Variants in EMC7 observed in about 807,000 individuals in gnomAD.
EMC7 encodes ER membrane protein complex subunit 7, also known as endoplasmic reticulum membrane protein complex subunit 7.
In EMC7, 4 loss-of-function variants were observed where a neutral mutation model predicts 24.4. That is an observed-to-expected ratio of 0.16 (90% CI 0.08 to 0.38). The LOEUF is 0.38. Among genes scored for constraint, EMC7 ranks in the 10% least tolerant of loss-of-function variants. The pLI is 1.00. For missense variants in EMC7, 221 were observed against 300.6 expected, an observed-to-expected ratio of 0.74 and a Z score of 1.96; for synonymous variants, 106 against 112.0, an observed-to-expected ratio of 0.95 and a Z score of 0.34.
At chr15:34,100,121 A>C (rs1431979792) in intron 1 of EMC7, among the ~76,000 whole-genome samples, 1 of 152,222 alleles carries the variant, frequency 6.6e-6, no homozygotes, top group South Asian at 2.1e-4. Context: ...CAGAAATATC[A>C]CTTGAGGCCA....
At chr15:34,096,515 A>G (rs1357090679) in intron 1 of EMC7, among the ~76,000 whole-genome samples, 1 of 152,132 alleles carries the variant, frequency 6.6e-6, no homozygotes, top group Non-Finnish European at 1.5e-5. Flanking sequence ...AATACCCAAG[A>G]CCACTCCAGG....
In EMC7 at chr15:34,084,320, T is replaced by G. The variant is rs1224522380; in HGVS notation, c.*14A>C. 1 of 1,609,930 alleles carries G rather than the reference T, an allele frequency of 6.2e-7. No individual in the cohort carries two copies. Among genetic ancestry groups the G allele is most frequent in the Non-Finnish European group, 8.5e-7 (1 of 1,176,914 alleles). ...TTGCCGTGTTTGTGCAAATGCCAGC[T>G]CTGGACGGCCTGACTACCTCCTTTT... On this transcript the variant is annotated 3_prime_UTR_variant, in exon 5 of 5. Coordinates refer to ENST00000256545, the MANE Select transcript of EMC7 (RefSeq NM_020154.3).
chr15:34,097,841 C>T (rs1236911899), intron 1 of EMC7, among the ~76,000 whole-genome samples: 1 of 151,740 alleles, frequency 6.6e-6, no homozygotes, highest in East Asian at 1.9e-4. Context: ...TGGTGGCATG[C>T]GCGTGTAGTC....
At chr15:34,097,908 G>A (rs1057155922) in intron 1 of EMC7, among the ~76,000 whole-genome samples, 1 of 150,054 alleles carries the variant, frequency 6.7e-6, no homozygotes, top group Non-Finnish European at 1.5e-5. Context: ...GGCGGAAGTT[G>A]CAATGAGCCG....
intron 2 of EMC7, among the ~76,000 whole-genome samples, chr15:34,092,261 T>TCACACATACACACACACA (rs1900985075): frequency 7.1e-6 from 1 of 141,564 alleles, no homozygotes; most frequent in Non-Finnish European, 1.5e-5. Context: ...TGAGACTCCG[T>TCACACATACACACACACA]CACACACACA....
intron 3 of EMC7, 32 bp downstream of exon 3, chr15:34,090,285 A>T: frequency 6.3e-7 from 1 of 1,589,160 alleles, no homozygotes; most frequent in Middle Eastern, 1.7e-4. Flanking sequence ...ATTAGGTATT[A>T]GTAAAGTGCT....
At chr15:34,098,417 A>G (rs1190096558) in intron 1 of EMC7, among the ~76,000 whole-genome samples, 3 of 150,598 alleles carry the variant, frequency 2.0e-5, no homozygotes, top group Non-Finnish European at 4.4e-5. Context: ...TGCATCTTCT[A>G]CTTCTTAATG....
intron 3 of EMC7, among the ~76,000 whole-genome samples, chr15:34,088,881 G>A (rs539189785): frequency 1.3e-5 from 2 of 151,840 alleles, no homozygotes; most frequent in African/African-American, 2.4e-5. Context: ...TTTGAGACAC[G>A]GTCTCGCTCT....
intron 1 of EMC7, among the ~76,000 whole-genome samples, chr15:34,098,432 C>T (rs1299939230): frequency 6.6e-6 from 1 of 150,754 alleles, no homozygotes; most frequent in Non-Finnish European, 1.5e-5. Context: ...TTAATGGGAC[C>T]CTGACTGAAC....
intron 2 of EMC7, among the ~76,000 whole-genome samples, chr15:34,093,118 G>A (rs770741961): frequency 3.3e-5 from 5 of 152,102 alleles, no homozygotes; most frequent in Admixed American, 6.6e-5. Context: ...ACTGTGTATC[G>A]CTTTCGCACC....
At chr15:34,093,232 G>T (rs2140869860) in intron 2 of EMC7, among the ~76,000 whole-genome samples, 1 of 152,256 alleles carries the variant, frequency 6.6e-6, no homozygotes, top group East Asian at 1.9e-4. Flanking sequence ...GATGTCAAGA[G>T]ATCGAAACCA....
Position 34,095,944 on chromosome 15 carries a change from A to G in EMC7, c.307T>C (p.Tyr103His). Reference protein sequence around the residue: ...SYVVEVVSPAYRFDPVRVDIT... With the variant: ...SYVVEVVSPAHRFDPVRVDIT... ...TCCACTCGAACGGGATCAAATCTGTAAGCTGGAGATACAACTTCCACTACA... is the reference window on the plus strand; with the variant it reads ...TCCACTCGAACGGGATCAAATCTGTGAGCTGGAGATACAACTTCCACTACA... The change falls in exon 2 of 5, where the codon TAC (tyrosine) becomes CAC (histidine). Residue 103 changes from tyrosine to histidine, a missense_variant. Around this residue, in one of 2 missense-constraint regions of EMC7, gnomAD observed 156 missense variants for 177.1 expected, o/e 0.88. Transcript: ENST00000256545. 6.2e-7 allele frequency: 1 copy of G among 1,610,902 alleles called. No homozygotes were observed. Among genetic ancestry groups the G allele is most frequent in the Non-Finnish European group, 8.5e-7 (1 of 1,177,580 alleles).
chr15:34,095,956 C>A lies in EMC7; in HGVS notation c.295G>T (p.Val99Leu), dbSNP rs1901058787. ...GGATCAAATCTGTAAGCTGGAGATA[C>A]AACTTCCACTACATAAGATCCAGAA... ...IPSGSYVVEVVSPAYRFDPVR... is the reference protein window; with the variant it reads ...IPSGSYVVEVLSPAYRFDPVR... Residue 99 changes from valine to leucine, a missense_variant, in exon 2 of 5, where the codon GTA (valine) becomes TTA (leucine). By Grantham distance (32) the Val-to-Leu change is conservative (BLOSUM62 1). This residue lies in a region of EMC7 where 156 missense variants were observed against 177.1 expected (regional missense o/e 0.88). Transcript: ENST00000256545. 2 of 1,610,590 alleles carry A rather than the reference C, an allele frequency of 1.2e-6. No individual in the cohort carries two copies. The highest frequency in any genetic ancestry group is 1.7e-6 in the Non-Finnish European group (2 of 1,177,488).
intron 2 of EMC7, 55 bp downstream of exon 2, chr15:34,095,840 T>C (rs1356434566): frequency 6.5e-6 from 10 of 1,528,184 alleles, no homozygotes; most frequent in Non-Finnish European, 8.9e-6. Flanking sequence ...AAGGAATATA[T>C]ACTAAGGTAT....
intron 2 of EMC7, among the ~76,000 whole-genome samples, chr15:34,093,208 G>A (rs1901006078): frequency 6.6e-6 from 1 of 152,100 alleles, no homozygotes; most frequent in South Asian, 2.1e-4. Context: ...GGGAGGCCGA[G>A]GCAGGAGGAT....
chr15:34,084,186 CAT>C lies in EMC7; in HGVS notation c.*146_*147del, dbSNP rs757144639. The C allele has an allele frequency of 1.3e-4, 132 of 981,744 alleles. No individual in the cohort carries two copies. In the Admixed American group the frequency reaches 1.6e-3, roughly 12 times the overall value. The allele number at this position is 981,744 out of a possible 1,614,324, so 60.8% of individuals were successfully genotyped here. A position where few individuals can be genotyped will look rare whatever the true frequency, so the allele number is the denominator to read the frequency against. ...GTTTTCTCGTGTACCAAGTACAAAA[CAT>C]GTGCTAAAAAGTTAACATACACAGT... is the stretch of plus-strand genomic sequence containing the variant. On this transcript the variant is annotated 3_prime_UTR_variant, in exon 5 of 5. Coordinates refer to ENST00000256545, the MANE Select transcript of EMC7 (RefSeq NM_020154.3).
At chr15:34,085,950 G>T in intron 4 of EMC7, 2 of 185,938 alleles carry the variant, frequency 1.1e-5, no homozygotes, top group South Asian at 1.0e-4. Flanking sequence ...TGGGACTAGT[G>T]ACTGTGATGG....
chr15:34,090,978 A>G (rs1900966232), intron 2 of EMC7, among the ~76,000 whole-genome samples: 1 of 152,190 alleles, frequency 6.6e-6, no homozygotes, highest in Non-Finnish European at 1.5e-5. Flanking sequence ...AAGACGCACT[A>G]ATTTTAATCA....
intron 1 of EMC7, among the ~76,000 whole-genome samples, chr15:34,099,841 G>A (rs1901147188): frequency 6.6e-6 from 1 of 152,104 alleles, no homozygotes; most frequent in Admixed American, 6.5e-5. Flanking sequence ...CTGGGCTCAA[G>A]CGATCCTTCC....
Sources: allele counts gnomAD v4.1 joint callset (sites outside exome capture counted in the v4.1 genomes callset), GRCh38; gene constraint gnomAD v4.1.1; regional missense constraint gnomAD v4.1.1; transcripts MANE v1.5; gene names NCBI Gene and HGNC (gene_info 2026-07-23, HGNC 2026-07-21).